The following ATM variants were observed in gnomAD, a reference collection of about 807,000 sequenced individuals.
ATM encodes serine-protein kinase ATM.
In ATM, 308 loss-of-function variants were observed where a neutral mutation model predicts 387.0. The ratio of observed to expected loss-of-function variants is 0.80; its 90% CI spans 0.73 to 0.87. The LOEUF (loss-of-function observed/expected upper bound fraction) is 0.87, where lower values mean the gene tolerates loss of function less well. Among genes scored for constraint, ATM ranks in the 40% least tolerant of loss-of-function variants. The pLI is 0.00. For missense variants in ATM, 3,312 were observed against 3,560.9 expected, an observed-to-expected ratio of 0.93 and a Z score of 1.78; for synonymous variants, 1,156 against 1,187.3, an observed-to-expected ratio of 0.97 and a Z score of 0.54.
At chr11:108,352,608 C>A (rs2089346320) in intron 59 of ATM, among the ~76,000 whole-genome samples, 1 of 152,176 alleles carries the variant, frequency 6.6e-6, no homozygotes, top group South Asian at 2.1e-4. Flanking sequence ...CCATGTACTA[C>A]AAATGTGTAT....
chr11:108,312,697 T>C (rs2084280877), intron 40 of ATM, among the ~76,000 whole-genome samples, 199 bp downstream of exon 40: 1 of 152,192 alleles, frequency 6.6e-6, no homozygotes, highest in African/African-American at 2.4e-5. Flanking sequence ...CTCTGCCACT[T>C]CTTGAGTTCC....
chr11:108,329,497 C>T (rs2086037739), intron 49 of ATM, among the ~76,000 whole-genome samples: 1 of 152,048 alleles, frequency 6.6e-6, no homozygotes, highest in Non-Finnish European at 1.5e-5. Flanking sequence ...TCACTGCAAC[C>T]TCGACCTCCT....
chr11:108,336,141 T>TAAAA, intron 56 of ATM, 180 bp downstream of exon 56: 1 of 440,542 alleles, frequency 2.3e-6, no homozygotes, highest in East Asian at 4.1e-5. Context: ...GACAAAAAGT[T>TAAAA]AAAAAAAAAA....
At chr11:108,333,630 C>T (rs1412902417) in intron 53 of ATM, among the ~76,000 whole-genome samples, 1 of 152,148 alleles carries the variant, frequency 6.6e-6, no homozygotes, top group Admixed American at 6.5e-5. Flanking sequence ...GATGTTTAGT[C>T]TGGTTCCTCA....
chr11:108,356,261 C>T (rs538946504), intron 61 of ATM, among the ~76,000 whole-genome samples: 3 of 152,186 alleles, frequency 2.0e-5, no homozygotes, highest in East Asian at 1.9e-4. Flanking sequence ...GAGGGCTGGG[C>T]GCGGTGGCTC....
intron 10 of ATM, 30 bp from the exon 11 acceptor site, chr11:108,251,807 T>C: frequency 6.2e-7 from 1 of 1,612,428 alleles, no homozygotes; most frequent in Non-Finnish European, 8.5e-7. Flanking sequence ...AATAGCTTGC[T>C]TTTCACAATT....
At chr11:108,281,279 T>C (rs2082218962) in intron 24 of ATM, 111 bp downstream of exon 24, 1 of 1,132,926 alleles carries the variant, frequency 8.8e-7, no homozygotes, top group African/African-American at 1.6e-5. Context: ...AGGAAACAAT[T>C]TTATTTTTTA....
rs375236517 is a variant in ATM, at chr11:108,333,831, A to C, written c.7928-55A>C. The C allele has an allele frequency of 5.9e-6, 8 of 1,360,168 alleles. No homozygotes were observed. In the African/African-American group the frequency reaches 7.2e-5, roughly 12 times the overall value. 84.3% of individuals were successfully genotyped at this position (1,360,168 alleles called of 1,614,324 possible). A position where few individuals can be genotyped will look rare whatever the true frequency, so the allele number is the denominator to read the frequency against. The stretch of plus-strand genomic sequence containing the variant: ...GGTATCTGCTGACTATTCCTGCTTG[A>C]CCTTCAATGCTGTTCCTCAGTTTGT... On this transcript the variant is annotated intron_variant, in intron 53 of 62. Coordinates refer to ENST00000675843, the MANE Select transcript of ATM (RefSeq NM_000051.4).
In ATM at chr11:108,271,414, CA is replaced by C. The variant is rs2081578007; in HGVS notation, c.3077+9del. 2 of 1,613,814 alleles carry C rather than the reference CA, an allele frequency of 1.2e-6. No homozygotes were observed. ...AGTAATTGGAGCATTTTGGTAGGTA[CA>C]GTCTATTTTGTGGTCCTATTTTTCT... On this transcript the variant is annotated intron_variant, in intron 20 of 62. Coordinates refer to ENST00000675843, the MANE Select transcript of ATM (RefSeq NM_000051.4).
intron 58 of ATM, among the ~76,000 whole-genome samples, chr11:108,346,325 T>G (rs11821287): frequency 0.03 from 4,547 of 152,162 alleles, 224 homozygotes; most frequent in African/African-American, 0.1. Context: ...TAATACTTTT[T>G]AATAGAATTT....
intron 18 of ATM, 143 bp downstream of exon 18, chr11:108,268,752 A>C (rs967109741): frequency 2.2e-6 from 2 of 922,728 alleles, no homozygotes; most frequent in Middle Eastern, 2.9e-4. Flanking sequence ...CTAGTTGGAA[A>C]ATAACACTTT....
chr11:108,256,761 T>C (rs1415074079), intron 14 of ATM, among the ~76,000 whole-genome samples: 2 of 152,150 alleles, frequency 1.3e-5, no homozygotes, highest in Non-Finnish European at 2.9e-5. Flanking sequence ...AGTGAGAACA[T>C]GCAGTGTTTG....
chr11:108,247,617 A>G (rs1293972038), intron 8 of ATM, among the ~76,000 whole-genome samples: 1 of 152,100 alleles, frequency 6.6e-6, no homozygotes, highest in Non-Finnish European at 1.5e-5. Context: ...TTTTTTTGAG[A>G]TGGAGTCTTG....
At chr11:108,297,476 G>C in intron 33 of ATM, 94 bp downstream of exon 33, 1 of 1,063,668 alleles carries the variant, frequency 9.4e-7, no homozygotes. Context: ...TATGTTTTCT[G>C]TTGCCTGTAG....
chr11:108,244,929 A>G lies in ATM; in HGVS notation c.804A>G (p.Gln268=), dbSNP rs2079766818. The G allele has an allele frequency of 1.2e-6, 2 of 1,613,342 alleles. No homozygotes were observed. The highest frequency in any genetic ancestry group is 1.3e-5 in the African/African-American group (1 of 74,914). Residue 268 remains glutamine, a synonymous_variant, in exon 7 of 63, where the codon CAA becomes CAG. Transcript: ENST00000675843. The stretch of plus-strand genomic sequence containing the variant: ...CCACTTTGCTTTATATTTGGACTCA[A>G]CATAGGCTTAATGATTCTTTAAAAG... ...ILPTLLYIWT[Q]HRLNDSLKEV...
intron 1 of ATM, chr11:108,225,330 C>T (rs2078683853): frequency 6.6e-6 from 1 of 152,134 alleles, no homozygotes; most frequent in Admixed American, 6.5e-5. Flanking sequence ...ACTCAAATAA[C>T]AATCTGTAAT....
At chr11:108,291,464 T>G (rs1001777418) in intron 29 of ATM, among the ~76,000 whole-genome samples, 5 of 152,214 alleles carry the variant, frequency 3.3e-5, no homozygotes, top group Non-Finnish European at 5.9e-5. Context: ...GTCCAAACTT[T>G]CATTATCTCA....
chr11:108,244,817 A>C lies in ATM; in HGVS notation c.692A>C (p.His231Pro), dbSNP rs587782229. ...RQEKSSSGLN[H>P]ILAALTIFLK... ...GAAAAGAGCTCTTCAGGTCTAAATC[A>C]TATCTTAGCAGCTCTTACTATCTTC... Residue 231 changes from histidine to proline, a missense_variant, in exon 7 of 63, where the codon CAT becomes CCT. By Grantham distance (77) the His-to-Pro change is moderately conservative. Around this residue, in one of 4 missense-constraint regions of ATM, gnomAD observed 1,791 missense variants for 1,804.5 expected, o/e 0.99. Transcript: ENST00000675843. The C allele has an allele frequency of 1.9e-6, 3 of 1,613,828 alleles. No individual in the cohort carries two copies. The highest frequency in any genetic ancestry group is 2.5e-6 in the Non-Finnish European group (3 of 1,179,920).
chr11:108,360,033 A>AATTG (rs1056952868), intron 61 of ATM, among the ~76,000 whole-genome samples: 4 of 151,994 alleles, frequency 2.6e-5, no homozygotes, highest in Non-Finnish European at 5.9e-5. Context: ...GGATCAACAA[A>AATTG]ATTGATAGAC....
Sources: allele counts gnomAD v4.1 joint callset (sites outside exome capture counted in the v4.1 genomes callset), GRCh38; gene constraint gnomAD v4.1.1; regional missense constraint gnomAD v4.1.1; transcripts MANE v1.5; gene names NCBI Gene and HGNC (gene_info 2026-07-23, HGNC 2026-07-21).